The following LAMA3 variants were observed in gnomAD, a reference collection of about 807,000 sequenced individuals.
The protein encoded by LAMA3 is laminin subunit alpha 3, also known as laminin subunit alpha-3.
In LAMA3, 281 loss-of-function variants were observed where a neutral mutation model predicts 402.0. The ratio of observed to expected loss-of-function variants is 0.70; its 90% confidence interval spans 0.63 to 0.77. The LOEUF (loss-of-function observed/expected upper bound fraction) is 0.77. Among genes scored for constraint, LAMA3 ranks in the 30% least tolerant of loss-of-function variants. LAMA3 has a pLI of 0.00. For synonymous variants in LAMA3, 1,431 were observed against 1,558.4 expected, an observed-to-expected ratio of 0.92 and a Z score of 1.93; for missense variants, 3,840 against 4,215.5, an observed-to-expected ratio of 0.91 and a Z score of 2.47.
Position 23,932,227 on chromosome 18 carries a change from C to G in LAMA3, c.8644C>G (p.Arg2882Gly), listed in dbSNP as rs546265637. Residue 2882 changes from arginine (R) to glycine (G), a missense_variant, in exon 66 of 75, where the codon CGG (arginine) becomes GGG (glycine). Arg to Gly is a moderately radical substitution (Grantham distance 125, BLOSUM62 -2). Coordinates refer to ENST00000313654, the MANE Select transcript of LAMA3 (RefSeq NM_198129.4). ...AAGGCTAAAACACATTTCAAGTTCC[C>G]GGCAGTCTCTGCGTCTGGGCGGGAG... is the stretch of plus-strand genomic sequence containing the variant. ...SKRLKHISSS[R>G]QSLRLGGSNF... 1.2e-6 allele frequency: 2 copies of G among 1,614,050 alleles called. No homozygotes were observed. Among genetic ancestry groups the G allele is most frequent in the Non-Finnish European group, 1.7e-6 (2 of 1,179,928 alleles).
intron 41 of LAMA3, among the ~76,000 whole-genome samples, chr18:23,888,943 A>G (rs1437901522): frequency 2.0e-5 from 3 of 151,878 alleles, no homozygotes; most frequent in African/African-American, 4.8e-5. Context: ...GACTTTAAAA[A>G]AAAAAAAAAA....
chr18:23,834,382 G>A (rs2063543550), intron 24 of LAMA3: 2 of 236,468 alleles, frequency 8.5e-6, no homozygotes, highest in South Asian at 5.8e-5. Context: ...AATGTTAGGG[G>A]GTGCACACCT....
At chr18:23,844,987 C>A in intron 29 of LAMA3, 22 bp from the exon 30 acceptor site, 1 of 1,301,438 alleles carries the variant, frequency 7.7e-7, no homozygotes, top group Non-Finnish European at 1.1e-6. Flanking sequence ...AATTCTAAGA[C>A]ATGCTGGTGG....
rs1271910145 is a variant in LAMA3, at chr18:23,819,912, A to C, written c.2219A>C (p.Asn740Thr). The change falls in exon 19 of 75, where the codon AAT becomes ACT. Residue 740 changes from asparagine (N) to threonine (T), a missense_variant. Physicochemically the swap from Asn to Thr is moderately conservative, Grantham distance 65. Transcript: ENST00000313654. ...GAGATTGAAGACGGCAGCACACCTA[A>C]TGGGAGAGACCTTCGATTTGGATTT... ...KYEIEDGSTP[N>T]GRDLRFGFDP... 2 of 1,614,080 alleles carry C rather than the reference A, an allele frequency of 1.2e-6. No homozygotes were observed. Among genetic ancestry groups the C allele is most frequent in the South Asian group, 2.2e-5 (2 of 91,082 alleles).
At chr18:23,863,548 C>G (rs2064278685) in intron 35 of LAMA3, among the ~76,000 whole-genome samples, 2 of 152,118 alleles carry the variant, frequency 1.3e-5, no homozygotes, top group African/African-American at 2.4e-5. Flanking sequence ...TTAAGCCCAT[C>G]AAAAAAGCAA....
intron 40 of LAMA3, among the ~76,000 whole-genome samples, chr18:23,883,575 A>T (rs928588582): frequency 2.0e-5 from 3 of 152,180 alleles, no homozygotes; most frequent in Non-Finnish European, 4.4e-5. Flanking sequence ...TCATGTGCCA[A>T]GTGTGGCTTC....
intron 7 of LAMA3, among the ~76,000 whole-genome samples, chr18:23,760,127 C>T (rs975162895): frequency 6.6e-6 from 1 of 152,142 alleles, no homozygotes; most frequent in Admixed American, 6.5e-5. Context: ...TTGTAAATAA[C>T]ATGCTTCACT....
At chr18:23,773,397 A>G (rs1181012827) in intron 8 of LAMA3, 100 bp from the exon 9 acceptor site, 1 of 801,724 alleles carries the variant, frequency 1.2e-6, no homozygotes, top group Non-Finnish European at 2.1e-6. Context: ...CAAAATTACA[A>G]TTGTATATGA....
intron 18 of LAMA3, among the ~76,000 whole-genome samples, chr18:23,818,142 G>C (rs1008001440): frequency 1.3e-5 from 2 of 152,196 alleles, no homozygotes; most frequent in African/African-American, 2.4e-5. Flanking sequence ...GTGACAGAGT[G>C]AGACTCCGTC....
At chr18:23,801,984 G>A (rs1480051304) in intron 12 of LAMA3, among the ~76,000 whole-genome samples, 3 of 152,118 alleles carry the variant, frequency 2.0e-5, no homozygotes, top group Admixed American at 2.0e-4. Context: ...TAACAAAATA[G>A]GAAGAAATAC....
chr18:23,901,973 C>T (rs559735626), intron 48 of LAMA3, among the ~76,000 whole-genome samples: 10 of 152,220 alleles, frequency 6.6e-5, no homozygotes, highest in South Asian at 2.1e-4. Flanking sequence ...GGATTACAGG[C>T]GTGAGCCACC....
At chr18:23,709,174 G>A (rs1447330458) in intron 1 of LAMA3, among the ~76,000 whole-genome samples, 2 of 151,736 alleles carry the variant, frequency 1.3e-5, no homozygotes, top group Admixed American at 6.6e-5. Context: ...GGACTCAAGC[G>A]ATCCTCCCAA....
rs369829639 is a variant in LAMA3, at chr18:23,895,121, A to G, written c.5613+63A>G. 70 of 1,525,190 alleles carry G rather than the reference A, an allele frequency of 4.6e-5. No individual in the cohort carries two copies. In the East Asian group the frequency reaches 1.2e-3, roughly 27 times the overall value. The allele number at this position is 1,525,190 out of a possible 1,614,324, so 94.5% of individuals were successfully genotyped here. ...GAGATGCTGCGGGAGTGGATTCTCC[A>G]TAAGCAGGAAGGGAAAGGTTGACTC... On this transcript the variant is annotated intron_variant, in intron 44 of 74. Transcript: ENST00000313654.
At chr18:23,697,724 C>T (rs1272025413) in intron 1 of LAMA3, among the ~76,000 whole-genome samples, 3 of 127,712 alleles carry the variant, frequency 2.3e-5, no homozygotes, top group East Asian at 2.8e-4. Context: ...AAAAAAATCC[C>T]GAATCTGAAA....
chr18:23,949,309 A>C (rs2082822371), intron 70 of LAMA3, among the ~76,000 whole-genome samples: 1 of 152,204 alleles, frequency 6.6e-6, no homozygotes. Flanking sequence ...GCTGCCCTGC[A>C]GTAAGCTAAC....
rs199703255 is a variant in LAMA3, at chr18:23,903,992, A to G, written c.6378A>G (p.Val2126=). 9 of 1,614,076 alleles carry G rather than the reference A, an allele frequency of 5.6e-6. No individual in the cohort carries two copies. The African/African-American group carries it at 8.0e-5, about 14-fold the overall frequency. ...NEARQELSDK[V]RELSRSAGKT... Reference sequence around the variant, plus strand: ...CAAGACAAGAACTAAGTGACAAAGTAAGAGAACTTTCCAGATCTGCTGGCA... The same window carrying G: ...CAAGACAAGAACTAAGTGACAAAGTGAGAGAACTTTCCAGATCTGCTGGCA... Residue 2126 remains valine (V), a synonymous_variant, in exon 50 of 75, where the codon GTA becomes GTG. Transcript: ENST00000313654.
At chr18:23,881,143 G>A (rs2064882257) in intron 39 of LAMA3, among the ~76,000 whole-genome samples, 1 of 152,012 alleles carries the variant, frequency 6.6e-6, no homozygotes, top group South Asian at 2.1e-4. Flanking sequence ...AATCCACTAG[G>A]TTTTGTCTCA....
intron 1 of LAMA3, among the ~76,000 whole-genome samples, chr18:23,696,856 C>G (rs1369351759): frequency 6.6e-6 from 1 of 152,212 alleles, no homozygotes; most frequent in Non-Finnish European, 1.5e-5. Context: ...GAGATTCTTT[C>G]AACCTTTCCT....
intron 32 of LAMA3, among the ~76,000 whole-genome samples, chr18:23,850,107 AAG>A (rs1241272881): frequency 3.3e-5 from 5 of 152,340 alleles, no homozygotes; most frequent in African/African-American, 1.2e-4. Flanking sequence ...GCTCATGTAA[AAG>A]AAATAATCAG....
Sources: gnomAD v4.1 joint callset for allele counts (sites outside exome capture counted in the v4.1 genomes callset) on GRCh38, gnomAD v4.1.1 for gene constraint, MANE v1.5 for transcripts, NCBI Gene and HGNC (gene_info 2026-07-23, HGNC 2026-07-21) for gene names.